The following ARHGEF12 variants were observed in gnomAD, a reference collection of about 807,000 sequenced individuals.
ARHGEF12 encodes KMT2A/ARHGEF12 fusion protein.
ARHGEF12 carries 66 observed loss-of-function variants against 211.2 expected under a neutral mutation model. That is an observed-to-expected ratio of 0.31 (90% CI 0.26 to 0.38). ARHGEF12 has a LOEUF of 0.38. Among genes scored for constraint, ARHGEF12 ranks in the 10% least tolerant of loss-of-function variants. The probability of loss-of-function intolerance (pLI) is 1.00; values close to 1 mark genes in which losing one functional copy is unlikely to be tolerated. For synonymous variants in ARHGEF12, 592 were observed against 638.4 expected (o/e 0.93, Z 1.09); for missense variants, 1,429 against 1,869.5 (o/e 0.76, Z 4.34).
At position 120,409,440 on chromosome 11, in the gene ARHGEF12, C is replaced by T. The variant is rs369234891; in HGVS notation, c.189C>T (p.Ser63=). Residue 63 remains serine, a synonymous_variant, in exon 4 of 41, where the codon TCC becomes TCT. Transcript: ENST00000397843. ...AGTCTAGTTCAGAGGAGAGTAGATC[C>T]GAGATATATGGTAAGCTAATGTAGC... ...KTKSSSEESR[S]EIYGLVQRCV... 281 of 1,613,526 alleles carry T rather than the reference C, an allele frequency of 1.7e-4. No individual in the cohort carries two copies. Among genetic ancestry groups the T allele is most frequent in the Non-Finnish European group, 2.3e-4 (270 of 1,179,790 alleles).
At chr11:120,348,901 T>C (rs1591485263) in intron 1 of ARHGEF12, among the ~76,000 whole-genome samples, 1 of 152,178 alleles carries the variant, frequency 6.6e-6, no homozygotes, top group African/African-American at 2.4e-5. Context: ...ACGTGAAACA[T>C]TAATGAATTC....
intron 1 of ARHGEF12, among the ~76,000 whole-genome samples, chr11:120,379,929 G>A (rs991930583): frequency 6.6e-6 from 1 of 152,106 alleles, no homozygotes; most frequent in African/African-American, 2.4e-5. Context: ...TTCTTGTAAT[G>A]TCATTGCCTT....
chr11:120,442,310 C>T, intron 15 of ARHGEF12, 108 bp downstream of exon 15: 1 of 703,044 alleles, frequency 1.4e-6, no homozygotes, highest in Non-Finnish European at 2.2e-6. Flanking sequence ...TGCTTTCTCA[C>T]ACCTGTATTA....
At chr11:120,425,776 A>G (rs79258007) in intron 7 of ARHGEF12, among the ~76,000 whole-genome samples, 144 of 150,428 alleles carry the variant, frequency 9.6e-4, no homozygotes, top group African/African-American at 3.0e-3. Context: ...AAAAAAAAAA[A>G]AGAGAGAGAC....
chr11:120,337,349 A>T, intron 1 of ARHGEF12, 74 bp downstream of exon 1: 2 of 1,608,232 alleles, frequency 1.2e-6, no homozygotes, highest in Non-Finnish European at 1.7e-6. Flanking sequence ...GTGATTGCAG[A>T]TTGCCTTTGG....
At chr11:120,436,375 T>C (rs1445522198) in intron 11 of ARHGEF12, among the ~76,000 whole-genome samples, 3 of 152,234 alleles carry the variant, frequency 2.0e-5, no homozygotes, top group Admixed American at 6.5e-5. Context: ...CACCAAGATA[T>C]CTTGCTATAT....
chr11:120,432,321 C>G (rs1945571457), intron 11 of ARHGEF12, among the ~76,000 whole-genome samples: 1 of 152,204 alleles, frequency 6.6e-6, no homozygotes, highest in Non-Finnish European at 1.5e-5. Context: ...GAGGAAAAAC[C>G]TCAGTCCTGT....
chr11:120,422,178 A>C (rs1304116111), intron 6 of ARHGEF12, among the ~76,000 whole-genome samples: 1 of 152,252 alleles, frequency 6.6e-6, no homozygotes, highest in African/African-American at 2.4e-5. Context: ...CTAATCTGAC[A>C]CCTGAAATGC....
chr11:120,403,528 A>T (rs1339387213), intron 1 of ARHGEF12, among the ~76,000 whole-genome samples: 1 of 152,024 alleles, frequency 6.6e-6, no homozygotes, highest in Non-Finnish European at 1.5e-5. Flanking sequence ...GAAAAAAAAA[A>T]AAGGCATCTA....
At position 120,481,411 on chromosome 11, in the gene ARHGEF12, C is replaced by T. The variant is rs374420289; in HGVS notation, c.4389C>T (p.Ser1463=). 55 of 1,614,034 alleles carry T rather than the reference C, an allele frequency of 3.4e-5. No homozygotes were observed. Among genetic ancestry groups the T allele is most frequent in the South Asian group, 3.3e-5 (3 of 91,074 alleles). The change falls in exon 39 of 41, where the codon TCC becomes TCT. Residue 1463 remains serine, a synonymous_variant. Coordinates refer to ENST00000397843, the MANE Select transcript of ARHGEF12 (RefSeq NM_015313.3). ...AACATTCTCCTCAGAATACTCACTC[C>T]GATGGGGCAATTTCACCATTCACCC... The part of the protein sequence containing the change: ...QQQHSPQNTH[S]DGAISPFTPE...
At chr11:120,389,898 T>G (rs1309725513) in intron 1 of ARHGEF12, among the ~76,000 whole-genome samples, 1 of 152,202 alleles carries the variant, frequency 6.6e-6, no homozygotes, top group Non-Finnish European at 1.5e-5. Flanking sequence ...ATTGTGTATA[T>G]GTACCACATT....
intron 1 of ARHGEF12, among the ~76,000 whole-genome samples, chr11:120,339,141 ATT>A (rs925985086): frequency 7.1e-6 from 1 of 140,948 alleles, no homozygotes. Flanking sequence ...CTAATTTTAC[ATT>A]TTTTTTTTTT....
rs1947356006 is a variant in ARHGEF12, at chr11:120,484,772, G to A, written c.4624+265G>A. ...TTTCAAAGCAGAAGGCAGAGCAGTGGGAAGCCTGGTAAATCACAGATTCGG... is the reference window on the plus strand; with the variant it reads ...TTTCAAAGCAGAAGGCAGAGCAGTGAGAAGCCTGGTAAATCACAGATTCGG... On this transcript the variant is annotated intron_variant, in intron 40 of 40. Coordinates refer to ENST00000397843, the MANE Select transcript of ARHGEF12 (RefSeq NM_015313.3). Among the ~76,000 whole-genome samples the A allele has an allele frequency of 2.0e-5, 3 of 152,166 alleles. No individual in the cohort carries two copies. The South Asian group carries it at 6.2e-4, about 32-fold the overall frequency.
At chr11:120,432,461 C>T (rs918009681) in intron 11 of ARHGEF12, among the ~76,000 whole-genome samples, 5 of 152,112 alleles carry the variant, frequency 3.3e-5, no homozygotes, top group African/African-American at 1.2e-4. Context: ...GATGTAACAC[C>T]ATAGACATAT....
intron 1 of ARHGEF12, among the ~76,000 whole-genome samples, chr11:120,345,379 C>G (rs1942673007): frequency 6.6e-6 from 1 of 152,138 alleles, no homozygotes; most frequent in Non-Finnish European, 1.5e-5. Flanking sequence ...TATTGCTTTG[C>G]TGAAACCTGA....
chr11:120,360,483 C>G (rs1407434843), intron 1 of ARHGEF12, among the ~76,000 whole-genome samples: 1 of 152,114 alleles, frequency 6.6e-6, no homozygotes, highest in Non-Finnish European at 1.5e-5. Flanking sequence ...GCCTTGACCT[C>G]CCAGGCTCTA....
chr11:120,459,106 A>G (rs1213774991), intron 25 of ARHGEF12, 68 bp from the exon 26 acceptor site: 16 of 1,283,534 alleles, frequency 1.2e-5, no homozygotes, highest in African/African-American at 6.1e-5. Flanking sequence ...CACTCCAGCT[A>G]AAGACTATGA....
intron 1 of ARHGEF12, among the ~76,000 whole-genome samples, chr11:120,365,243 T>C (rs1424484451): frequency 6.6e-6 from 1 of 152,190 alleles, no homozygotes; most frequent in Admixed American, 6.5e-5. Context: ...GAAACCTCTG[T>C]TTAGTTTTTA....
chr11:120,388,513 G>A (rs1310024875), intron 1 of ARHGEF12, among the ~76,000 whole-genome samples: 1 of 152,132 alleles, frequency 6.6e-6, no homozygotes, highest in Non-Finnish European at 1.5e-5. Context: ...TATATGGTAG[G>A]TATATATTTT....
Sources: gnomAD v4.1 joint callset for allele counts (sites outside exome capture counted in the v4.1 genomes callset) on GRCh38, gnomAD v4.1.1 for gene constraint, MANE v1.5 for transcripts, NCBI Gene and HGNC (gene_info 2026-07-23, HGNC 2026-07-21) for gene names.